Variants in B4GALNT1 observed in about 807,000 individuals in gnomAD.
The protein encoded by B4GALNT1 is beta-1,4-N-acetyl-galactosaminyltransferase 1, also known as beta-1,4 N-acetylgalactosaminyltransferase 1.
Under a neutral mutation model 55.2 loss-of-function variants are expected in B4GALNT1, and 43 were observed. The observed-to-expected ratio is 0.78, with a 90% confidence interval of 0.61 to 1.00. The LOEUF is 1.00. B4GALNT1 is among the 50% of genes least tolerant of loss of function. The probability of loss-of-function intolerance (pLI) is 0.00; values close to 1 mark genes in which losing one functional copy is unlikely to be tolerated. For missense variants in B4GALNT1, 664 were observed against 729.7 expected, an observed-to-expected ratio of 0.91 and a Z score of 1.04; for synonymous variants, 305 against 311.6, an observed-to-expected ratio of 0.98 and a Z score of 0.22.
chr12:57,627,972 AC>A, intron 9 of B4GALNT1, 114 bp from the exon 10 acceptor site: 1 of 1,466,738 alleles, frequency 6.8e-7, no homozygotes, highest in Non-Finnish European at 9.0e-7. Context: ...CTTCCGCTTC[AC>A]CCCTGCAGGA....
In B4GALNT1 at chr12:57,628,215, C is replaced by A; in HGVS notation, c.1050G>T (p.Lys350Asn). The A allele has an allele frequency of 6.2e-7, 1 of 1,614,300 alleles. No homozygotes were observed. The highest frequency in any genetic ancestry group is 8.5e-7 in the Non-Finnish European group (1 of 1,180,056). Residue 350 changes from lysine (K) to asparagine (N), a missense_variant, in exon 9 of 11, where the codon AAG (lysine) becomes AAT (asparagine). Transcript: ENST00000341156. ...AGTCGTCGTCCACCCACAGCACGTACTTGGTGGTTACTTGAGACACGGCCA... is the reference window on the plus strand; with the variant it reads ...AGTCGTCGTCCACCCACAGCACGTAATTGGTGGTTACTTGAGACACGGCCA... Reference protein sequence around the residue: ...RNLAVSQVTTKYVLWVDDDFV... With the variant: ...RNLAVSQVTTNYVLWVDDDFV...
rs1353475662 is a variant in B4GALNT1 at position 57,632,099 on chromosome 12, C to A, written c.34G>T (p.Val12Phe). ...WLGRRALCAL[V>F]LLLACASLGL... Reference sequence around the variant, plus strand: ...AGCGAGGCGCAGGCGAGCAGAAGGACCAGAGCGCACAGGGCCCGGCGGCCC... The same window carrying A: ...AGCGAGGCGCAGGCGAGCAGAAGGAACAGAGCGCACAGGGCCCGGCGGCCC... Residue 12 changes from valine (V) to phenylalanine (F), a missense_variant, in exon 2 of 11, where the codon GTC (valine) becomes TTC (phenylalanine). Physicochemically the swap from Val to Phe is conservative, Grantham distance 50 (BLOSUM62 -1). Transcript: ENST00000341156. The A allele has an allele frequency of 6.8e-7, 1 of 1,476,964 alleles. No individual in the cohort carries two copies. The highest frequency in any genetic ancestry group is 2.6e-5 in the Admixed American group (1 of 38,854). 91.5% of individuals were successfully genotyped at this position (1,476,964 alleles called of 1,614,324 possible).
chr12:57,624,772 A>C lies in B4GALNT1; in HGVS notation c.*1972T>G. ...AGGCTGAGGGGACAGAGCTCTACAG[A>C]CCACTCAGAGGAAGCCCCAGGGTGG... On this transcript the variant is annotated 3_prime_UTR_variant, in exon 11 of 11. Transcript: ENST00000341156. 8.8e-7 allele frequency: 1 copy of C among 1,131,578 alleles called. No homozygotes were observed. Among genetic ancestry groups the C allele is most frequent in the Non-Finnish European group, 1.4e-6 (1 of 740,106 alleles). 70.1% of individuals were successfully genotyped at this position (1,131,578 alleles called of 1,614,324 possible).
intron 10 of B4GALNT1, 151 bp from the exon 11 acceptor site, chr12:57,627,112 C>T: frequency 1.5e-6 from 1 of 671,972 alleles, no homozygotes. Flanking sequence ...CCCTGGGTCT[C>T]AGTCTTACTC....
intron 4 of B4GALNT1, 83 bp downstream of exon 4, chr12:57,630,897 C>G (rs781156251): frequency 1.8e-5 from 24 of 1,327,022 alleles, no homozygotes; most frequent in African/African-American, 2.9e-5. Context: ...CCATTCCAAT[C>G]ATCTCCCATT....
rs747864083 is a variant in B4GALNT1 at position 57,626,908 on chromosome 12, C to T, written c.1438G>A (p.Val480Met). Residue 480 changes from valine (V) to methionine (M), a missense_variant, in exon 11 of 11, where the codon GTG (valine) becomes ATG (methionine). Val to Met is a conservative substitution (Grantham distance 21). Coordinates refer to ENST00000341156, the MANE Select transcript of B4GALNT1 (RefSeq NM_001478.5). ...SLRVGSCSDV[V>M]VDHASKLKLP... ...TTCAGTTTGGATGCATGATCCACCA[C>T]GACGTCGGAGCAGGAGCCAACCCGA... 111 of 1,614,072 alleles carry T rather than the reference C, an allele frequency of 6.9e-5. No individual in the cohort carries two copies. The highest frequency in any genetic ancestry group is 2.4e-4 in the East Asian group (11 of 44,900).
In B4GALNT1 at chr12:57,631,968, A is replaced by G; in HGVS notation, c.165T>C (p.Ala55=). Residue 55 remains alanine (A), a synonymous_variant, in exon 2 of 11, where the codon GCT becomes GCC. Coordinates refer to ENST00000341156, the MANE Select transcript of B4GALNT1 (RefSeq NM_001478.5). The part of the protein sequence containing the change: ...SPRRPELPDL[A]PEPRYAHIPV... ...GGATGTGTGCGTAGCGGGGCTCAGG[A>G]GCAAGATCTGGCAGCTCGGGCCTGC... 1 of 1,458,510 alleles carries G rather than the reference A, an allele frequency of 6.9e-7. No homozygotes were observed. Among genetic ancestry groups the G allele is most frequent in the South Asian group, 1.5e-5 (1 of 65,774 alleles). 90.3% of individuals were successfully genotyped at this position (1,458,510 alleles called of 1,614,324 possible).
chr12:57,630,418 G>A, intron 5 of B4GALNT1, 60 bp downstream of exon 5: 1 of 1,597,348 alleles, frequency 6.3e-7, no homozygotes, highest in Admixed American at 1.7e-5. Flanking sequence ...TAGTAGCCCT[G>A]CCTCCCTCCC....
At chr12:57,630,112 G>T (rs768630735) in intron 6 of B4GALNT1, 40 bp downstream of exon 6, 2 of 1,614,132 alleles carry the variant, frequency 1.2e-6, no homozygotes, top group Non-Finnish European at 1.7e-6. Flanking sequence ...GTTCTTCTCT[G>T]TTTGCCCAGC....
rs777059307 is a variant in B4GALNT1 at position 57,624,613 on chromosome 12, A to G, written c.*2131T>C. 5.7e-6 allele frequency: 4 copies of G among 698,890 alleles called. No homozygotes were observed. The highest frequency in any genetic ancestry group is 1.1e-5 in the Non-Finnish European group (4 of 367,244). The allele number at this position is 698,890 out of a possible 1,614,324, so 43.3% of individuals were successfully genotyped here. On this transcript the variant is annotated 3_prime_UTR_variant, in exon 11 of 11. Coordinates refer to ENST00000341156, the MANE Select transcript of B4GALNT1 (RefSeq NM_001478.5). ...TGGTCTGCCGCACCCGGAGGTGGGC[A>G]TAGAGATGAGTGGAGTTGAGGTCGG...
In B4GALNT1 at chr12:57,628,697, CCTG is replaced by C. The variant is rs536365578; in HGVS notation, c.1002+13_1002+15del. 1.9e-4 allele frequency: 310 copies of C among 1,613,918 alleles called. No homozygotes were observed. The African/African-American group carries it at 3.8e-3, about 20-fold the overall frequency. ...GGGAGTCCTCTGGCCTGCCGTTCAGCCTGCTAGCTGCACACCTTGCCGAAGGGC... is the reference window on the plus strand; with the variant it reads ...GGGAGTCCTCTGGCCTGCCGTTCAGCCTAGCTGCACACCTTGCCGAAGGGC... On this transcript the variant is annotated intron_variant, in intron 8 of 10. Coordinates refer to ENST00000341156, the MANE Select transcript of B4GALNT1 (RefSeq NM_001478.5).
At chr12:57,627,422 A>G (rs1424603717) in intron 10 of B4GALNT1, among the ~76,000 whole-genome samples, 196 bp downstream of exon 10, 3 of 151,738 alleles carry the variant, frequency 2.0e-5, no homozygotes, top group Admixed American at 6.6e-5. Context: ...AAAAAAAAAA[A>G]AAGAGTATGC....
chr12:57,629,601 C>T, intron 6 of B4GALNT1: 1 of 523,064 alleles, frequency 1.9e-6, no homozygotes, highest in Non-Finnish European at 3.2e-6. Flanking sequence ...ATAAGACAAA[C>T]AAGTAATGTG....
chr12:57,627,935 C>G, intron 9 of B4GALNT1, 77 bp from the exon 10 acceptor site: 1 of 1,474,524 alleles, frequency 6.8e-7, no homozygotes, highest in Non-Finnish European at 9.0e-7. Context: ...CGCTCCGGTG[C>G]CTTCGGGGGT....
At chr12:57,632,175 A>T in intron 1 of B4GALNT1, 42 bp from the exon 2 acceptor site, 2 of 1,461,116 alleles carry the variant, frequency 1.4e-6, no homozygotes, top group Non-Finnish European at 1.9e-6. Flanking sequence ...GGAGGGAAGA[A>T]GGGAGGGCAA....
rs547401688 is a variant in B4GALNT1, at chr12:57,627,915, T to C, written c.1144-57A>G. Reference sequence around the variant, plus strand: ...GCCTGGGATAGGGGACCCGAAGGGGTCAAGGTCTGCGCTCCGGTGCCTTCG... The same window carrying C: ...GCCTGGGATAGGGGACCCGAAGGGGCCAAGGTCTGCGCTCCGGTGCCTTCG... On this transcript the variant is annotated intron_variant, in intron 9 of 10. Transcript: ENST00000341156. The C allele has an allele frequency of 4.3e-5, 65 of 1,500,846 alleles. No individual in the cohort carries two copies. In the African/African-American group the frequency reaches 8.3e-4, roughly 19 times the overall value. 93.0% of individuals were successfully genotyped at this position (1,500,846 alleles called of 1,614,324 possible).
chr12:57,631,867 G>A (rs1885232970), intron 2 of B4GALNT1, 48 bp downstream of exon 2: 2 of 1,355,890 alleles, frequency 1.5e-6, no homozygotes, highest in South Asian at 2.1e-5. Context: ...AAAGCCCCCA[G>A]ACCACCCCCA....
chr12:57,631,154 C>T, intron 3 of B4GALNT1, 46 bp downstream of exon 3: 1 of 1,612,852 alleles, frequency 6.2e-7, no homozygotes, highest in Non-Finnish European at 8.5e-7. Context: ...CCGGCACAAT[C>T]ACTGCTCTCC....
rs534265519 is a variant in B4GALNT1 at position 57,625,574 on chromosome 12, C to A, written c.*1170G>T. 6.2e-7 allele frequency: 1 copy of A among 1,601,048 alleles called. No individual in the cohort carries two copies. The highest frequency in any genetic ancestry group is 1.1e-5 in the South Asian group (1 of 89,306). ...AGGGTCTCAGAGTCTGACACCCTCC[C>A]CACATAGCCTTGGTGCAGGGGACAC... On this transcript the variant is annotated 3_prime_UTR_variant, in exon 11 of 11. Transcript: ENST00000341156.
Sources: gnomAD v4.1 joint callset for allele counts (sites outside exome capture counted in the v4.1 genomes callset) on GRCh38, gnomAD v4.1.1 for gene constraint, MANE v1.5 for transcripts, NCBI Gene and HGNC (gene_info 2026-07-23, HGNC 2026-07-21) for gene names.